DDX6: variants seen among roughly 807,000 people sequenced by gnomAD.
DDX6 encodes the protein DEAD-box helicase 6.
A neutral mutation model predicts 60.6 loss-of-function variants in DDX6; 7 were observed. The ratio of observed to expected loss-of-function variants is 0.12; its 90% confidence interval spans 0.07 to 0.22. The LOEUF (loss-of-function observed/expected upper bound fraction) is 0.22. Among genes scored for constraint, DDX6 ranks in the 10% least tolerant of loss-of-function variants. The pLI, the probability that DDX6 is intolerant of heterozygous loss-of-function variation, is 1.00. For synonymous variants in DDX6, 207 were observed against 201.0 expected (o/e 1.03, Z -0.25); for missense variants, 270 against 589.9 (o/e 0.46, Z 5.62).
intron 12 of DDX6, 58 bp from the exon 13 acceptor site, chr11:118,754,945 G>A (rs1860914657): frequency 1.4e-6 from 2 of 1,467,266 alleles, no homozygotes; most frequent in Admixed American, 2.3e-5. Context: ...AATGTGAATT[G>A]TGCAAGTCAA....
At chr11:118,790,689 C>T (rs57494551) in intron 1 of DDX6, among the ~76,000 whole-genome samples, 25,648 of 152,038 alleles carry the variant, frequency 0.17, 2,436 homozygotes, top group South Asian at 0.29. Context: ...GCACCACATT[C>T]CTATATTCGC....
intron 2 of DDX6, among the ~76,000 whole-genome samples, chr11:118,784,541 C>T (rs1395288328): frequency 4.6e-5 from 7 of 151,700 alleles, no homozygotes; most frequent in Non-Finnish European, 1.0e-4. Context: ...TCTCTGCAAC[C>T]TCCACCTCTC....
rs576267318 is a variant in DDX6, at chr11:118,756,791, G to A, written c.1110+380C>T. On this transcript the variant is annotated intron_variant, in intron 10 of 13. Coordinates refer to ENST00000534980, the MANE Select transcript of DDX6 (RefSeq NM_004397.6). ...CTAACTGAGCACTTGAAATGTGGCT[G>A]TGATTGAGAAACTGACTTTTTATTT... 3.7e-4 allele frequency among the ~76,000 whole-genome samples: 56 copies of A among 152,296 alleles called. 1 individual carries two copies. The South Asian group carries it at 0.011, about 29-fold the overall frequency.
At chr11:118,785,144 A>T (rs892523493) in intron 2 of DDX6, among the ~76,000 whole-genome samples, 3 of 152,192 alleles carry the variant, frequency 2.0e-5, no homozygotes, top group Admixed American at 6.5e-5. Flanking sequence ...CTATAACTGA[A>T]TCTTTAAAGT....
At chr11:118,767,332 A>G (rs1320547840) in intron 5 of DDX6, among the ~76,000 whole-genome samples, 12 of 152,362 alleles carry the variant, frequency 7.9e-5, no homozygotes, top group African/African-American at 2.4e-4. Flanking sequence ...CCTGCTACCT[A>G]GGCTCTATTT....
chr11:118,768,141 TA>T (rs201147781), intron 5 of DDX6, 81 bp downstream of exon 5: 3 of 1,319,712 alleles, frequency 2.3e-6, no homozygotes, highest in Admixed American at 2.9e-5. Context: ...AAATTCTGAC[TA>T]AAAAAAGAGT....
intron 2 of DDX6, among the ~76,000 whole-genome samples, chr11:118,785,264 T>C (rs1469166479): frequency 6.6e-6 from 1 of 152,226 alleles, no homozygotes; most frequent in African/African-American, 2.4e-5. Flanking sequence ...GAGGAGGCTC[T>C]TCAATTTTAA....
At chr11:118,770,979 CAAA>C (rs1861517277) in intron 4 of DDX6, among the ~76,000 whole-genome samples, 1 of 151,926 alleles carries the variant, frequency 6.6e-6, no homozygotes, top group Non-Finnish European at 1.5e-5. Context: ...GTAAAGCAAA[CAAA>C]GAAGAAAACC....
chr11:118,755,503 T>A lies in DDX6; in HGVS notation c.1175A>T (p.Asp392Val). ...TATATCAATACCTCGGGTAAACAGA[T>A]CTTAAAAAAAAAAAGATAATTTTCA... ...NGLCRNLVCT[D>V]LFTRGIDIQA... Residue 392 changes from aspartate (D) to valine (V), a missense_variant and splice_region_variant, in exon 12 of 14, where the codon GAT (aspartate) becomes GTT (valine). Physicochemically the swap from Asp to Val is radical, Grantham distance 152 (BLOSUM62 -3). Coordinates refer to ENST00000534980, the MANE Select transcript of DDX6 (RefSeq NM_004397.6). 6.5e-7 allele frequency: 1 copy of A among 1,528,548 alleles called. No homozygotes were observed. The highest frequency in any genetic ancestry group is 9.0e-7 in the Non-Finnish European group (1 of 1,110,372). 94.7% of individuals were successfully genotyped at this position (1,528,548 alleles called of 1,614,324 possible). A position where few individuals can be genotyped will look rare whatever the true frequency, so the allele number is the denominator to read the frequency against.
intron 3 of DDX6, 119 bp downstream of exon 3, chr11:118,781,002 G>A: frequency 1.6e-6 from 1 of 636,410 alleles, no homozygotes; most frequent in Non-Finnish European, 2.9e-6. Context: ...TGGGTTGGAG[G>A]AGGAGGGTGG....
chr11:118,790,628 C>A (rs1862240614), intron 1 of DDX6, among the ~76,000 whole-genome samples: 1 of 152,140 alleles, frequency 6.6e-6, no homozygotes, highest in Non-Finnish European at 1.5e-5. Flanking sequence ...CCCTCATCTT[C>A]GATAAAGCTA....
At chr11:118,784,948 A>C (rs983831567) in intron 2 of DDX6, among the ~76,000 whole-genome samples, 4 of 152,094 alleles carry the variant, frequency 2.6e-5, no homozygotes, top group African/African-American at 9.7e-5. Context: ...GTTTATTTTT[A>C]GTAGAGACAA....
chr11:118,780,560 G>A (rs1477012803), intron 3 of DDX6, among the ~76,000 whole-genome samples: 2 of 152,150 alleles, frequency 1.3e-5, no homozygotes, highest in Admixed American at 6.5e-5. Context: ...CAGGTGATCC[G>A]CCTGCCTCGG....
At chr11:118,756,887 G>A (rs886426759) in intron 10 of DDX6, among the ~76,000 whole-genome samples, 1 of 152,124 alleles carries the variant, frequency 6.6e-6, no homozygotes, top group Non-Finnish European at 1.5e-5. Flanking sequence ...ACATGGAAAG[G>A]AAGGGAAGAA....
intron 10 of DDX6, among the ~76,000 whole-genome samples, chr11:118,756,842 C>CA (rs1253511946): frequency 6.6e-6 from 1 of 151,614 alleles, no homozygotes; most frequent in African/African-American, 2.4e-5. Context: ...TAAATTGCCA[C>CA]ATGTGGCTAT....
At chr11:118,754,674 G>T in intron 13 of DDX6, 31 bp downstream of exon 13, 1 of 1,544,908 alleles carries the variant, frequency 6.5e-7, no homozygotes, top group Non-Finnish European at 8.7e-7. Flanking sequence ...TCATTTAAAG[G>T]TTCCTCTTAG....
At chr11:118,771,000 T>C (rs1418434376) in intron 4 of DDX6, among the ~76,000 whole-genome samples, 8 of 152,230 alleles carry the variant, frequency 5.3e-5, no homozygotes, top group African/African-American at 1.9e-4. Flanking sequence ...ACCTTGGCTT[T>C]AACCCTTTGG....
rs561597533 is a variant in DDX6 at position 118,751,717 on chromosome 11, A to C, written c.*388T>G. On this transcript the variant is annotated 3_prime_UTR_variant, in exon 14 of 14. Coordinates refer to ENST00000534980, the MANE Select transcript of DDX6 (RefSeq NM_004397.6). Reference sequence around the variant, plus strand: ...GATGAGGAATCAGGGAGAAGTTGAAATGCACGAGAGTCAGCTGTTGGAGAA... The same window carrying C: ...GATGAGGAATCAGGGAGAAGTTGAACTGCACGAGAGTCAGCTGTTGGAGAA... 3.3e-4 allele frequency: 95 copies of C among 285,430 alleles called. 3 individuals are homozygous for C. The highest frequency in any genetic ancestry group is 2.9e-3 in the South Asian group (92 of 31,988). 17.7% of individuals were successfully genotyped at this position (285,430 alleles called of 1,614,324 possible).
intron 1 of DDX6, chr11:118,788,034 G>A (rs1862135563): frequency 6.6e-6 from 1 of 151,898 alleles, no homozygotes; most frequent in East Asian, 1.9e-4. Flanking sequence ...TGGTAGGAGG[G>A]GCACGGTAGC....
Sources: allele counts gnomAD v4.1 joint callset (sites outside exome capture counted in the v4.1 genomes callset), GRCh38; gene constraint gnomAD v4.1.1; transcripts MANE v1.5; gene names NCBI Gene and HGNC (gene_info 2026-07-23, HGNC 2026-07-21).